Variants in HPSE2 observed in about 807,000 individuals in gnomAD.
HPSE2 encodes heparanase 2 (inactive), also known as inactive heparanase-2.
HPSE2 carries 38 observed loss-of-function variants against 60.5 expected under a neutral mutation model. That is an observed-to-expected ratio of 0.63 (90% confidence interval 0.48 to 0.82). The LOEUF (loss-of-function observed/expected upper bound fraction) is 0.82. Ranked by LOEUF, HPSE2 falls within the 40% of genes least tolerant of loss-of-function variation. HPSE2 has a pLI of 0.00. For synonymous variants in HPSE2, 295 were observed against 293.2 expected (o/e 1.01, Z -0.06); for missense variants, 713 against 740.4 (o/e 0.96, Z 0.43).
intron 6 of HPSE2, among the ~76,000 whole-genome samples, chr10:98,690,862 C>T (rs569013436): frequency 6.4e-4 from 97 of 152,048 alleles, no homozygotes; most frequent in African/African-American, 2.3e-3. Context: ...TATAGCAAAC[C>T]CAAGAATATG....
chr10:98,610,386 T>A (rs925383401), intron 9 of HPSE2, among the ~76,000 whole-genome samples: 1 of 152,206 alleles, frequency 6.6e-6, no homozygotes, highest in Non-Finnish European at 1.5e-5. Context: ...AGTTTCCTTC[T>A]GATGGTCAAA....
Position 98,827,457 on chromosome 10 carries a change from C to T in HPSE2, c.611-83401G>A, listed in dbSNP as rs976920874. Among the ~76,000 whole-genome samples the T allele has an allele frequency of 2.6e-5, 4 of 152,134 alleles. No homozygotes were observed. In the East Asian group the frequency reaches 5.8e-4, roughly 22 times the overall value. ...TCCTGACTTCGTGATCCGCCCACCT[C>T]GGCCTCCCAAAGTACTGGGATTACA... On this transcript the variant is annotated intron_variant, in intron 3 of 11. Transcript: ENST00000370552.
At chr10:99,275,128 C>G in the HPSE2 span, among the ~76,000 whole-genome samples, 26 of 152,252 alleles carry the variant, frequency 1.7e-4, no homozygotes, top group Admixed American at 1.1e-3. Context: ...ACAGTTCCCC[C>G]CAAATCCAGT....
intron 3 of HPSE2, among the ~76,000 whole-genome samples, chr10:98,895,637 T>A (rs372475675): frequency 6.6e-5 from 10 of 152,200 alleles, no homozygotes; most frequent in African/African-American, 2.4e-4. Flanking sequence ...CATGCACATG[T>A]ATGTTTATTG....
At chr10:98,480,900 T>C (rs1025724103) in intron 11 of HPSE2, among the ~76,000 whole-genome samples, 1 of 152,278 alleles carries the variant, frequency 6.6e-6, no homozygotes, top group East Asian at 1.9e-4. Flanking sequence ...GTCAGGAACT[T>C]TACACAGATT....
At position 98,938,721 on chromosome 10, in the gene HPSE2, G is replaced by A. The variant is rs1298806789; in HGVS notation, c.611-194665C>T. On this transcript the variant is annotated intron_variant, in intron 3 of 11. Transcript: ENST00000370552. ...CAAGGCACGCCAACATTCAGACTCA[G>A]GAAATACAGAGAACGCCACAAAGAT... Among the ~76,000 whole-genome samples the A allele has an allele frequency of 4.9e-5, 7 of 143,488 alleles. No homozygotes were observed. The East Asian group carries it at 1.4e-3, about 28-fold the overall frequency. 94.1% of individuals were successfully genotyped at this position (143,488 alleles called of 152,430 possible).
At chr10:99,304,567 A>G in the HPSE2 span, among the ~76,000 whole-genome samples, 1 of 152,218 alleles carries the variant, frequency 6.6e-6, no homozygotes, top group Non-Finnish European at 1.5e-5. Context: ...CATCAGATAC[A>G]TTGTAAAAAT....
At chr10:98,953,595 T>C (rs1323054528) in intron 3 of HPSE2, among the ~76,000 whole-genome samples, 1 of 152,128 alleles carries the variant, frequency 6.6e-6, no homozygotes, top group East Asian at 1.9e-4. Context: ...ACGCTCCACA[T>C]TGACGGAGTG....
At position 98,614,981 on chromosome 10, in the gene HPSE2, T is replaced by C. The variant is rs199706656; in HGVS notation, c.1243A>G (p.Ile415Val). Residue 415 changes from isoleucine (I) to valine (V), a missense_variant, in exon 9 of 12, where the codon ATT (isoleucine) becomes GTT (valine). By Grantham distance (29) the Ile-to-Val change is conservative (BLOSUM62 3). Coordinates refer to ENST00000370552, the MANE Select transcript of HPSE2 (RefSeq NM_021828.5). ...AATGAGTGCCGTATCACGACATCAA[T>C]GCCCTGATTGGCCAGCATTCCTAAA... ...NTLGMLANQG[I>V]DVVIRHSFFD... 4.6e-5 allele frequency: 75 copies of C among 1,614,072 alleles called. No individual in the cohort carries two copies. The South Asian group carries it at 7.6e-4, about 16-fold the overall frequency.
intron 3 of HPSE2, among the ~76,000 whole-genome samples, chr10:99,017,095 T>C (rs185775536): frequency 8.8e-4 from 134 of 152,310 alleles, no homozygotes; most frequent in African/African-American, 3.1e-3. Flanking sequence ...GAGACTATCC[T>C]GTCTTGTGCC....
the HPSE2 span, among the ~76,000 whole-genome samples, chr10:99,282,025 C>A: frequency 6.6e-6 from 1 of 151,964 alleles, no homozygotes. Context: ...TTTGGGAGGC[C>A]GAGGTAGGCA....
At chr10:99,058,557 C>T (rs1006857486) in intron 3 of HPSE2, among the ~76,000 whole-genome samples, 3 of 152,174 alleles carry the variant, frequency 2.0e-5, no homozygotes, top group Non-Finnish European at 4.4e-5. Context: ...ATTCACTCCT[C>T]TTGACTAGTC....
intron 9 of HPSE2, among the ~76,000 whole-genome samples, chr10:98,576,004 C>T (rs1462933827): frequency 2.6e-5 from 4 of 152,016 alleles, no homozygotes; most frequent in African/African-American, 9.7e-5. Context: ...TTTATTGTCA[C>T]TATTTAGCTA....
At chr10:98,648,236 G>A (rs1171424829) in intron 6 of HPSE2, among the ~76,000 whole-genome samples, 1 of 152,138 alleles carries the variant, frequency 6.6e-6, no homozygotes, top group African/African-American at 2.4e-5. Context: ...CACTGAGTGT[G>A]GGCAGAGGCT....
At chr10:99,005,819 T>C (rs1288598994) in intron 3 of HPSE2, among the ~76,000 whole-genome samples, 3 of 152,212 alleles carry the variant, frequency 2.0e-5, no homozygotes, top group Admixed American at 2.0e-4. Flanking sequence ...GGAGAGCCCT[T>C]CCTTTTCAGT....
At chr10:98,591,193 T>G (rs1945080660) in intron 9 of HPSE2, among the ~76,000 whole-genome samples, 1 of 152,196 alleles carries the variant, frequency 6.6e-6, no homozygotes, top group South Asian at 2.1e-4. Context: ...TGTGCTCCAA[T>G]TTATTCATCT....
intron 3 of HPSE2, among the ~76,000 whole-genome samples, chr10:99,119,458 G>A (rs1224642454): frequency 6.6e-6 from 1 of 152,120 alleles, no homozygotes. Flanking sequence ...CAATCAAATG[G>A]AAAACATTAC....
intron 6 of HPSE2, among the ~76,000 whole-genome samples, chr10:98,663,242 C>G (rs921523434): frequency 1.3e-5 from 2 of 152,102 alleles, no homozygotes; most frequent in African/African-American, 4.8e-5. Context: ...GTTCTAGGTA[C>G]TTGGGATAGA....
intron 2 of HPSE2, among the ~76,000 whole-genome samples, chr10:99,205,003 C>T (rs1035990009): frequency 9.9e-5 from 15 of 152,272 alleles, no homozygotes; most frequent in African/African-American, 2.6e-4. Flanking sequence ...AAACCAAATG[C>T]TGCATGTTCT....
Sources: gnomAD v4.1 joint callset for allele counts (sites outside exome capture counted in the v4.1 genomes callset) on GRCh38, gnomAD v4.1.1 for gene constraint, MANE v1.5 for transcripts, NCBI Gene and HGNC (gene_info 2026-07-23, HGNC 2026-07-21) for gene names.